FAM133B: variants seen among roughly 807,000 people sequenced by gnomAD.
FAM133B encodes the protein family with sequence similarity 133 member B.
In FAM133B, 25 loss-of-function variants were observed where a neutral mutation model predicts 46.4. That is an observed-to-expected ratio of 0.54 (90% CI 0.39 to 0.75). The LOEUF (loss-of-function observed/expected upper bound fraction) is 0.75. FAM133B is among the 30% of genes least tolerant of loss of function. FAM133B has a pLI of 0.00. For missense variants in FAM133B, 205 were observed against 277.6 expected (o/e 0.74, Z 1.86); for synonymous variants, 75 against 86.0 (o/e 0.87, Z 0.71).
At position 92,560,786 on chromosome 7, in the gene FAM133B, A is replaced by G. The variant is rs1171302504; in HGVS notation, c.*1496T>C. 6.6e-6 allele frequency: 1 copy of G among 152,298 alleles called. No homozygotes were observed. The highest frequency in any genetic ancestry group is 6.5e-5 in the Admixed American group (1 of 15,278). The allele number at this position is 152,298 out of a possible 1,614,324, so 9.4% of individuals were successfully genotyped here. On this transcript the variant is annotated 3_prime_UTR_variant, in exon 11 of 11. Transcript: ENST00000445716. ...CAGTCCAAAGGGAGCTGATAAGAAC[A>G]CAGCTATTTTTAAGTAAAATAGCTA...
chr7:92,586,000 T>C (rs567742656), intron 1 of FAM133B, among the ~76,000 whole-genome samples: 1 of 152,358 alleles, frequency 6.6e-6, no homozygotes, highest in African/African-American at 2.4e-5. Context: ...TTTACAGTCT[T>C]CAAGTTATCT....
intron 1 of FAM133B, among the ~76,000 whole-genome samples, chr7:92,582,975 G>C (rs932198339): frequency 6.6e-6 from 1 of 152,088 alleles, no homozygotes; most frequent in Non-Finnish European, 1.5e-5. Context: ...CTATATCTAG[G>C]TATACACCCA....
chr7:92,569,719 G>T, intron 9 of FAM133B, 104 bp downstream of exon 9: 1 of 560,176 alleles, frequency 1.8e-6, no homozygotes, highest in Non-Finnish European at 2.9e-6. Context: ...ATACTAGAAA[G>T]GTGAATAAAT....
At chr7:92,588,833 C>A (rs1024577515) in intron 1 of FAM133B, among the ~76,000 whole-genome samples, 1 of 152,140 alleles carries the variant, frequency 6.6e-6, no homozygotes, top group Non-Finnish European at 1.5e-5. Flanking sequence ...CTCTTGGTCC[C>A]GCTCCTGCCA....
rs996300232 is a variant in FAM133B at position 92,575,720 on chromosome 7, A to G, written c.516+51T>C. ...ATACACATTATTGTTATTTAAGTCA[A>G]TTAAGTATTATATGACAGACTATCT... On this transcript the variant is annotated intron_variant, in intron 8 of 10. Transcript: ENST00000445716. 3 of 877,698 alleles carry G rather than the reference A, an allele frequency of 3.4e-6. No individual in the cohort carries two copies. The African/African-American group carries it at 5.1e-5, about 15-fold the overall frequency. 54.4% of individuals were successfully genotyped at this position (877,698 alleles called of 1,614,324 possible).
intron 1 of FAM133B, chr7:92,585,360 T>C: frequency 2.0e-6 from 2 of 984,788 alleles, no homozygotes; most frequent in Non-Finnish European, 2.4e-6. Flanking sequence ...GATCACATTC[T>C]AATTTCCTTG....
chr7:92,583,753 T>A (rs891123332), intron 1 of FAM133B, among the ~76,000 whole-genome samples: 1 of 151,902 alleles, frequency 6.6e-6, no homozygotes, highest in Non-Finnish European at 1.5e-5. Context: ...TATTATTTTT[T>A]AAAAGACAGG....
intron 2 of FAM133B, among the ~76,000 whole-genome samples, chr7:92,579,730 TAAAG>T (rs1315331319): frequency 6.6e-6 from 1 of 152,166 alleles, no homozygotes; most frequent in Non-Finnish European, 1.5e-5. Flanking sequence ...ATTTTATAGA[TAAAG>T]AAACTGAAGC....
chr7:92,581,141 G>T (rs188569716), intron 2 of FAM133B, among the ~76,000 whole-genome samples: 29 of 152,310 alleles, frequency 1.9e-4, no homozygotes, highest in African/African-American at 5.8e-4. Context: ...GATAAAACTA[G>T]AAACAAAGCT....
chr7:92,569,894 T>C lies in FAM133B; in HGVS notation c.538A>G (p.Lys180Glu). The C allele has an allele frequency of 2.1e-6, 3 of 1,413,122 alleles. No homozygotes were observed. The highest frequency in any genetic ancestry group is 2.8e-6 in the Non-Finnish European group (3 of 1,078,246). The allele number at this position is 1,413,122 out of a possible 1,614,324, so 87.5% of individuals were successfully genotyped here. ...KEKDIKGLSK[K>E]RKMYSEDKPL... ...TTATCTTCAGAATACATCTTTCTCTTTTTGCTGAGTCCTTTAATATCCTAT... is the reference window on the plus strand; with the variant it reads ...TTATCTTCAGAATACATCTTTCTCTCTTTGCTGAGTCCTTTAATATCCTAT... Residue 180 changes from lysine (K) to glutamate (E), a missense_variant, in exon 9 of 11, where the codon AAG becomes GAG. Lys to Glu is a moderately conservative substitution (Grantham distance 56). Coordinates refer to ENST00000445716, the MANE Select transcript of FAM133B (RefSeq NM_152789.4).
At chr7:92,587,835 T>C (rs1795080296) in intron 1 of FAM133B, among the ~76,000 whole-genome samples, 1 of 152,184 alleles carries the variant, frequency 6.6e-6, no homozygotes, top group Non-Finnish European at 1.5e-5. Context: ...AACATGTCAA[T>C]GTAGGTTCAT....
At chr7:92,586,498 T>G (rs536347078) in intron 1 of FAM133B, among the ~76,000 whole-genome samples, 1 of 152,360 alleles carries the variant, frequency 6.6e-6, no homozygotes, top group East Asian at 1.9e-4. Flanking sequence ...TTCACTAAAA[T>G]ATAGAGATTG....
intron 2 of FAM133B, among the ~76,000 whole-genome samples, 185 bp downstream of exon 2, chr7:92,581,321 T>TA (rs147969630): frequency 6.6e-6 from 1 of 152,382 alleles, no homozygotes; most frequent in African/African-American, 2.4e-5. Context: ...AGTGGGTTCT[T>TA]AAATGTTTGC....
At chr7:92,584,336 TA>T (rs1357815852) in intron 1 of FAM133B, among the ~76,000 whole-genome samples, 2 of 152,282 alleles carry the variant, frequency 1.3e-5, no homozygotes, top group East Asian at 3.9e-4. Flanking sequence ...AAGGAAAAAA[TA>T]TATTTGTTGC....
chr7:92,576,024 T>C (rs1794685854), intron 7 of FAM133B, among the ~76,000 whole-genome samples: 1 of 152,226 alleles, frequency 6.6e-6, no homozygotes, highest in South Asian at 2.1e-4. Context: ...TCTGGCTGTA[T>C]ACCAAATTTA....
At chr7:92,564,056 T>C (rs1344022119) in intron 10 of FAM133B, among the ~76,000 whole-genome samples, 1 of 152,240 alleles carries the variant, frequency 6.6e-6, no homozygotes, top group African/African-American at 2.4e-5. Context: ...CACTCTGCTG[T>C]GTAATGTAAG....
At chr7:92,589,454 A>G (rs1278974433) in intron 1 of FAM133B, among the ~76,000 whole-genome samples, 1 of 152,140 alleles carries the variant, frequency 6.6e-6, no homozygotes, top group Admixed American at 6.5e-5. Flanking sequence ...CATTCACTAG[A>G]GTAATAATTT....
chr7:92,578,149 C>T lies in FAM133B; in HGVS notation c.309+1G>A, dbSNP rs1331643593. The T allele has an allele frequency of 1.9e-6, 3 of 1,608,728 alleles. No individual in the cohort carries two copies. The highest frequency in any genetic ancestry group is 2.5e-6 in the Non-Finnish European group (3 of 1,177,928). On this transcript the variant is annotated splice_donor_variant, in intron 5 of 10. Transcript: ENST00000445716. LOFTEE classifies it high-confidence loss of function. ...TAGAAAAATGGAAAATTTTTGCTCA[C>T]CCTACCAGATTTCTTCTTTTCTTTT...
intron 9 of FAM133B, among the ~76,000 whole-genome samples, chr7:92,569,326 G>A (rs979489829): frequency 2.6e-5 from 4 of 152,100 alleles, no homozygotes; most frequent in African/African-American, 7.2e-5. Flanking sequence ...AATGCCTTTC[G>A]TAATTTATCA....
Sources: allele counts gnomAD v4.1 joint callset (sites outside exome capture counted in the v4.1 genomes callset), GRCh38; gene constraint gnomAD v4.1.1; transcripts MANE v1.5; gene names NCBI Gene and HGNC (gene_info 2026-07-23, HGNC 2026-07-21).